KLRC2: variants seen among roughly 807,000 people sequenced by gnomAD.
KLRC2 encodes killer cell lectin like receptor C2.
A neutral mutation model predicts 25.5 loss-of-function variants in KLRC2; 10 were observed. The ratio of observed to expected loss-of-function variants is 0.39; its 90% CI spans 0.24 to 0.67. The LOEUF (loss-of-function observed/expected upper bound fraction) is 0.67, where lower values mean the gene tolerates loss of function less well. Ranked by LOEUF, KLRC2 falls within the 30% of genes least tolerant of loss-of-function variation. The pLI, the probability that KLRC2 is intolerant of heterozygous loss-of-function variation, is 0.45. For missense variants in KLRC2, 170 were observed against 272.8 expected (o/e 0.62, Z 2.65); for synonymous variants, 48 against 93.3 (o/e 0.51, Z 2.80).
chr12:10,434,925 A>G (rs1346987570), intron 2 of KLRC2: 4 of 479,722 alleles, frequency 8.3e-6, no homozygotes. Context: ...GTTGTGAAAA[A>G]TTCAGAATAA....
intron 4 of KLRC2, among the ~76,000 whole-genome samples, chr12:10,433,067 G>A (rs184896057): frequency 7.1e-6 from 1 of 141,294 alleles, no homozygotes; most frequent in Non-Finnish European, 1.5e-5. Flanking sequence ...CACCAGGATG[G>A]CTGTGGATGA....
rs1254136854 is a variant in KLRC2, at chr12:10,431,024, C to T, written c.*93G>A. ...AGAATTTTTGTATCAGAGCAAATAACATAATTCATTTTCAGATTTATGCAA... is the reference window on the plus strand; with the variant it reads ...AGAATTTTTGTATCAGAGCAAATAATATAATTCATTTTCAGATTTATGCAA... On this transcript the variant is annotated 3_prime_UTR_variant, in exon 6 of 6. Coordinates refer to ENST00000381902, the MANE Select transcript of KLRC2 (RefSeq NM_002260.4). 6.9e-5 allele frequency: 80 copies of T among 1,161,884 alleles called. 4 individuals carry two copies. Among genetic ancestry groups the T allele is most frequent in the Non-Finnish European group, 9.1e-5 (77 of 849,706 alleles). 72.0% of individuals were successfully genotyped at this position (1,161,884 alleles called of 1,614,324 possible).
chr12:10,431,038 A>G lies in KLRC2; in HGVS notation c.*79T>C, dbSNP rs1863804931. The stretch of plus-strand genomic sequence containing the variant: ...AGAGCAAATAACATAATTCATTTTC[A>G]GATTTATGCAATCATAATATTTCTA... On this transcript the variant is annotated 3_prime_UTR_variant, in exon 6 of 6. Coordinates refer to ENST00000381902, the MANE Select transcript of KLRC2 (RefSeq NM_002260.4). 1 of 1,188,814 alleles carries G rather than the reference A, an allele frequency of 8.4e-7. No homozygotes were observed. The highest frequency in any genetic ancestry group is 1.5e-5 in the South Asian group (1 of 67,116). 73.6% of individuals were successfully genotyped at this position (1,188,814 alleles called of 1,614,324 possible).
chr12:10,431,648 C>G lies in KLRC2; in HGVS notation c.585-420G>C, dbSNP rs565751277. Among the ~76,000 whole-genome samples the G allele has an allele frequency of 2.8e-5, 4 of 142,334 alleles. 1 individual carries two copies. Among genetic ancestry groups the G allele is most frequent in the African/African-American group, 8.0e-5 (3 of 37,296 alleles). 93.4% of individuals were successfully genotyped at this position (142,334 alleles called of 152,430 possible). ...AGTAAGCGTGGCTTTTTAATAAAAA[C>G]AAGCACTGCAGTTCCCTGATAGTCC... On this transcript the variant is annotated intron_variant, in intron 5 of 5. Transcript: ENST00000381902.
Position 10,431,074 on chromosome 12 carries a change from TATAAA to T in KLRC2, c.*38_*42del, listed in dbSNP as rs769090979. ...ATCATAATATTTCTATTTTAAGAAA[TATAAA>T]ATGTATCTGATGCACTGCAAACGCA... On this transcript the variant is annotated 3_prime_UTR_variant, in exon 6 of 6. Transcript: ENST00000381902. 7.7e-7 allele frequency: 1 copy of T among 1,300,956 alleles called. No homozygotes were observed. Among genetic ancestry groups the T allele is most frequent in the Non-Finnish European group, 1.1e-6 (1 of 933,090 alleles). The allele number at this position is 1,300,956 out of a possible 1,614,324, so 80.6% of individuals were successfully genotyped here. A position where few individuals can be genotyped will look rare whatever the true frequency, so the allele number is the denominator to read the frequency against.
At chr12:10,434,216 T>G in intron 3 of KLRC2, 1 of 620,200 alleles carries the variant, frequency 1.6e-6, no homozygotes, top group Non-Finnish European at 2.9e-6. Context: ...CACAACTGCT[T>G]TTTTAGAATA....
chr12:10,433,703 A>G, intron 4 of KLRC2, 88 bp downstream of exon 4: 1 of 1,298,472 alleles, frequency 7.7e-7, no homozygotes, highest in African/African-American at 1.6e-5. Context: ...TGAGATAAAT[A>G]TATGTACACA....
chr12:10,431,006 T>G lies in KLRC2; in HGVS notation c.*111A>C. 8.6e-7 allele frequency: 1 copy of G among 1,159,310 alleles called. No individual in the cohort carries two copies. Among genetic ancestry groups the G allele is most frequent in the South Asian group, 1.7e-5 (1 of 59,518 alleles). 71.8% of individuals were successfully genotyped at this position (1,159,310 alleles called of 1,614,324 possible). ...TATTTCAATAATTGATTTAGAATTT[T>G]TGTATCAGAGCAAATAACATAATTC... On this transcript the variant is annotated 3_prime_UTR_variant, in exon 6 of 6. Transcript: ENST00000381902.
chr12:10,433,680 A>C (rs1863838684), intron 4 of KLRC2, 111 bp downstream of exon 4: 1 of 1,144,260 alleles, frequency 8.7e-7, no homozygotes, highest in Non-Finnish European at 1.2e-6. Context: ...TATTACATAC[A>C]CTTGAAAATA....
Position 10,432,172 on chromosome 12 carries a change from A to G in KLRC2, c.518T>C (p.Ile173Thr), listed in dbSNP as rs1293747296. Reference protein sequence around the residue: ...FLASILPSSWIGVFRNSSHHP... With the variant: ...FLASILPSSWTGVFRNSSHHP... ...ATGACTGCTGTTACGAAACACACCA[A>G]TCCATGAGGAAGGTAAAATGCTGGC... Residue 173 changes from isoleucine (I) to threonine (T), a missense_variant, in exon 5 of 6, where the codon ATT (isoleucine) becomes ACT (threonine). Ile to Thr is a moderately conservative substitution (Grantham distance 89). Coordinates refer to ENST00000381902, the MANE Select transcript of KLRC2 (RefSeq NM_002260.4). 6.7e-7 allele frequency: 1 copy of G among 1,497,558 alleles called. No individual in the cohort carries two copies. The highest frequency in any genetic ancestry group is 1.5e-5 in the African/African-American group (1 of 65,320). 92.8% of individuals were successfully genotyped at this position (1,497,558 alleles called of 1,614,324 possible).
chr12:10,432,962 C>T lies in KLRC2; in HGVS notation c.484-756G>A, dbSNP rs1304900960. ...TCGAAGGAGAGTCCCCTCCACAATA[C>T]CAGGCAAGGCTGGTGCCACTGGCAA... is the stretch of plus-strand genomic sequence containing the variant. On this transcript the variant is annotated intron_variant, in intron 4 of 5. Transcript: ENST00000381902. Among the ~76,000 whole-genome samples, 4 of 139,702 alleles carry T rather than the reference C, an allele frequency of 2.9e-5. 1 individual carries two copies. Among genetic ancestry groups the T allele is most frequent in the Non-Finnish European group, 6.3e-5 (4 of 63,962 alleles). 91.6% of individuals were successfully genotyped at this position (139,702 alleles called of 152,430 possible).
At chr12:10,432,063 CT>C in intron 5 of KLRC2, 42 bp downstream of exon 5, 1 of 1,321,244 alleles carries the variant, frequency 7.6e-7, no homozygotes. Context: ...TGAATTTATC[CT>C]TTATATATAT....
At chr12:10,434,127 T>G in intron 3 of KLRC2, 185 bp from the exon 4 acceptor site, 1 of 1,007,772 alleles carries the variant, frequency 9.9e-7, no homozygotes, top group Non-Finnish European at 1.4e-6. Flanking sequence ...GGTTAGCCTC[T>G]CCTCCCTAAT....
chr12:10,432,563 T>C (rs147509610), intron 4 of KLRC2, among the ~76,000 whole-genome samples: 2,019 of 136,010 alleles, frequency 0.015, 6 homozygotes, highest in African/African-American at 0.054. Context: ...AATTGAGGGG[T>C]TGTCATTCAG....
At position 10,433,779 on chromosome 12, in the gene KLRC2, T is replaced by A. The variant is rs746192503; in HGVS notation, c.483+12A>T. 4 of 1,547,016 alleles carry A rather than the reference T, an allele frequency of 2.6e-6. No homozygotes were observed. In the South Asian group the frequency reaches 4.5e-5, roughly 17 times the overall value. ...AGCTTTTCATAAAATGTTTGAAACA[T>A]TTACATCTTACCATTTCTTCTTCAT... On this transcript the variant is annotated intron_variant, in intron 4 of 5. Transcript: ENST00000381902.
At chr12:10,432,577 T>C (rs1348176366) in intron 4 of KLRC2, among the ~76,000 whole-genome samples, 1 of 137,812 alleles carries the variant, frequency 7.3e-6, no homozygotes, top group Non-Finnish European at 1.6e-5. Flanking sequence ...CATTCAGAAA[T>C]AGATGACATG....
Position 10,431,423 on chromosome 12 carries a change from C to T in KLRC2, c.585-195G>A, listed in dbSNP as rs138230681. 523 of 609,536 alleles carry T rather than the reference C, an allele frequency of 8.6e-4. 82 individuals are homozygous for T. In the African/African-American group the frequency reaches 9.6e-3, roughly 11 times the overall value. 37.8% of individuals were successfully genotyped at this position (609,536 alleles called of 1,614,324 possible). ...CATCCACGAGGGATATGTTTCAAGA[C>T]CCCAGTGGATGCCTGAAATGGCAGA... is the stretch of plus-strand genomic sequence containing the variant. On this transcript the variant is annotated intron_variant, in intron 5 of 5. Coordinates refer to ENST00000381902, the MANE Select transcript of KLRC2 (RefSeq NM_002260.4).
chr12:10,431,413 T>C (rs1207391617), intron 5 of KLRC2, 185 bp from the exon 6 acceptor site: 2 of 690,876 alleles, frequency 2.9e-6, no homozygotes, highest in South Asian at 1.7e-5. Flanking sequence ...ACGAGGGATA[T>C]GTTTCAAGAC....
intron 1 of KLRC2, 25 bp downstream of exon 1, chr12:10,435,775 A>G: frequency 6.5e-7 from 1 of 1,536,524 alleles, no homozygotes; most frequent in Non-Finnish European, 8.9e-7. Flanking sequence ...GAACAATAAT[A>G]TTGAAGATAT....
Sources: allele counts gnomAD v4.1 joint callset (sites outside exome capture counted in the v4.1 genomes callset), GRCh38; gene constraint gnomAD v4.1.1; transcripts MANE v1.5; gene names NCBI Gene and HGNC (gene_info 2026-07-23, HGNC 2026-07-21).